The following CDC37 variants were observed in gnomAD, a reference collection of about 807,000 sequenced individuals.
CDC37 encodes hsp90 co-chaperone Cdc37.
A neutral mutation model predicts 46.9 loss-of-function variants in CDC37; 9 were observed. The observed-to-expected ratio is 0.19, with a 90% CI of 0.12 to 0.33. The LOEUF (loss-of-function observed/expected upper bound fraction) is 0.33. CDC37 is among the 10% of genes least tolerant of loss of function. The pLI, the probability that CDC37 is intolerant of heterozygous loss-of-function variation, is 1.00. For missense variants in CDC37, 388 were observed against 514.6 expected (o/e 0.75, Z 2.38); for synonymous variants, 193 against 191.0 (o/e 1.01, Z -0.09).
intron 1 of CDC37, among the ~76,000 whole-genome samples, chr19:10,401,090 C>T (rs1216469432): frequency 6.6e-6 from 1 of 152,218 alleles, no homozygotes; most frequent in African/African-American, 2.4e-5. Context: ...TGAACGACAG[C>T]AATCTCTCCT....
chr19:10,397,173 C>T (rs191566848), intron 1 of CDC37, among the ~76,000 whole-genome samples: 94 of 152,220 alleles, frequency 6.2e-4, no homozygotes, highest in Admixed American at 2.7e-3. Context: ...AATATGGGAA[C>T]GTGTTCGCCA....
At position 10,391,519 on chromosome 19, in the gene CDC37, T is replaced by C. The variant is rs1440427658; in HGVS notation, c.*32A>G. 1 of 1,613,472 alleles carries C rather than the reference T, an allele frequency of 6.2e-7. No homozygotes were observed. Among genetic ancestry groups the C allele is most frequent in the Admixed American group, 1.7e-5 (1 of 60,002 alleles). On this transcript the variant is annotated 3_prime_UTR_variant, in exon 8 of 8. Coordinates refer to ENST00000222005, the MANE Select transcript of CDC37 (RefSeq NM_007065.4). ...TTCTGAAAAGGGGCACATAGGGGCC[T>C]GGAAGCAGGTGGCGGTGGTAGCTGG... is the stretch of plus-strand genomic sequence containing the variant.
In CDC37 at chr19:10,396,731, C is replaced by T. The variant is rs575769109; in HGVS notation, c.103-528G>A. 1.9e-3 allele frequency among the ~76,000 whole-genome samples: 287 copies of T among 152,120 alleles called. 1 individual carries two copies. Among genetic ancestry groups the T allele is most frequent in the Non-Finnish European group, 2.6e-3 (175 of 67,992 alleles). ...GACTACAGGTGTGCACCAGCACGCC[C>T]AGCTAATTTTTGTATTTTCAGTAAA... On this transcript the variant is annotated intron_variant, in intron 1 of 7. Coordinates refer to ENST00000222005, the MANE Select transcript of CDC37 (RefSeq NM_007065.4). The surrounding 1 kb of genome is among the most constrained non-coding windows in gnomAD (Gnocchi z 5.9).
rs182906422 is a variant in CDC37 at position 10,399,341 on chromosome 19, C to A, written c.103-3138G>T. Among the ~76,000 whole-genome samples, 549 of 151,464 alleles carry A rather than the reference C, an allele frequency of 3.6e-3. 2 individuals are homozygous for A. Among genetic ancestry groups the A allele is most frequent in the African/African-American group, 0.013 (520 of 41,270 alleles). ...AAAATTAGCCAGGCGTGGTGGCAGG[C>A]GCCTGCAATCCCAGCTACTCCAGAG... is the stretch of plus-strand genomic sequence containing the variant. On this transcript the variant is annotated intron_variant, in intron 1 of 7. Transcript: ENST00000222005.
In CDC37 at chr19:10,391,438, G is replaced by A. The variant is rs2145414879; in HGVS notation, c.*113C>T. 3 of 1,363,420 alleles carry A rather than the reference G, an allele frequency of 2.2e-6. No individual in the cohort carries two copies. Among genetic ancestry groups the A allele is most frequent in the Middle Eastern group, 1.9e-4 (1 of 5,162 alleles). The allele number at this position is 1,363,420 out of a possible 1,614,324, so 84.5% of individuals were successfully genotyped here. On this transcript the variant is annotated 3_prime_UTR_variant, in exon 8 of 8. Coordinates refer to ENST00000222005, the MANE Select transcript of CDC37 (RefSeq NM_007065.4). The stretch of plus-strand genomic sequence containing the variant: ...AGGGCTGGGCGGGCCCCCCAGGCTG[G>A]GCCGAGCAGCGCAAGTAGAGGAAGT...
chr19:10,396,257 GCC>G lies in CDC37; in HGVS notation c.103-56_103-55del. 6.4e-7 allele frequency: 1 copy of G among 1,557,356 alleles called. No homozygotes were observed. Among genetic ancestry groups the G allele is most frequent in the South Asian group, 1.2e-5 (1 of 83,756 alleles). Reference sequence around the variant, plus strand: ...GGGGAGTCGTCTGTCCCTTACCCCCGCCCCATACCCAATCCCTGCACCGGAGA... The same window carrying G: ...GGGGAGTCGTCTGTCCCTTACCCCCGCCATACCCAATCCCTGCACCGGAGA... On this transcript the variant is annotated intron_variant, in intron 1 of 7. Coordinates refer to ENST00000222005, the MANE Select transcript of CDC37 (RefSeq NM_007065.4). The surrounding 1 kb of genome is among the most constrained non-coding windows in gnomAD (Gnocchi z 5.9).
chr19:10,398,788 A>G lies in CDC37; in HGVS notation c.103-2585T>C, dbSNP rs1335224848. 3.3e-5 allele frequency among the ~76,000 whole-genome samples: 5 copies of G among 152,212 alleles called. No homozygotes were observed. The East Asian group carries it at 9.7e-4, about 29-fold the overall frequency. ...TTCTGGCCCAGAGTACACGCTCAAT[A>G]ACTGGGAGTGGTTGTTACTACATGG... On this transcript the variant is annotated intron_variant, in intron 1 of 7. Transcript: ENST00000222005. This position sits in a 1 kb window ranked among gnomAD's most constrained non-coding sequence, Gnocchi z 4.2.
chr19:10,395,632 C>A (rs572827098), intron 2 of CDC37, 89 bp from the exon 3 acceptor site: 1 of 1,061,144 alleles, frequency 9.4e-7, no homozygotes, highest in Admixed American at 1.7e-5. Context: ...CAGCGCCCAT[C>A]CCATCCACGG....
intron 1 of CDC37, among the ~76,000 whole-genome samples, chr19:10,402,793 T>A (rs1416332454): frequency 6.6e-6 from 1 of 151,854 alleles, no homozygotes; most frequent in Non-Finnish European, 1.5e-5. Flanking sequence ...AGGAAGGGGG[T>A]CCTGGGTGTG....
At chr19:10,391,839 C>T in intron 7 of CDC37, 133 bp from the exon 8 acceptor site, 1 of 886,352 alleles carries the variant, frequency 1.1e-6, no homozygotes, top group South Asian at 1.7e-5. Context: ...GAGTCTCACT[C>T]TGTCACCCAG....
Position 10,391,651 on chromosome 19 carries a change from G to A in CDC37, c.1037C>T (p.Ser346Phe). The change falls in exon 8 of 8, where the codon TCT becomes TTT. Residue 346 changes from serine to phenylalanine, a missense_variant. Ser to Phe is a radical substitution (Grantham distance 155). Coordinates refer to ENST00000222005, the MANE Select transcript of CDC37 (RefSeq NM_007065.4). ...TCCCTCCTTGGCCTCGCTGGCCTTA[G>A]AGTTGGGGACCCAGAGGCCAGAGTC... ...CIDSGLWVPN[S>F]KASEAKEGEE... 6.2e-7 allele frequency: 1 copy of A among 1,614,166 alleles called. No individual in the cohort carries two copies. Among genetic ancestry groups the A allele is most frequent in the Non-Finnish European group, 8.5e-7 (1 of 1,179,992 alleles).
chr19:10,391,811 T>C, intron 7 of CDC37, 105 bp from the exon 8 acceptor site: 6 of 1,190,434 alleles, frequency 5.0e-6, no homozygotes, highest in Non-Finnish European at 7.1e-6. Flanking sequence ...CCTATTGATA[T>C]TTTACCTATT....
rs897216238 is a variant in CDC37 at position 10,391,449 on chromosome 19, G to C, written c.*102C>G. On this transcript the variant is annotated 3_prime_UTR_variant, in exon 8 of 8. Transcript: ENST00000222005. Reference sequence around the variant, plus strand: ...GGCCCCCCAGGCTGGGCCGAGCAGCGCAAGTAGAGGAAGTCAGGAGCGGGC... The same window carrying C: ...GGCCCCCCAGGCTGGGCCGAGCAGCCCAAGTAGAGGAAGTCAGGAGCGGGC... 6.9e-7 allele frequency: 1 copy of C among 1,443,954 alleles called. No homozygotes were observed. The allele number at this position is 1,443,954 out of a possible 1,614,324, so 89.4% of individuals were successfully genotyped here.
In CDC37 at chr19:10,393,459, T is replaced by C. The variant is rs1323066822; in HGVS notation, c.727-18A>G. The C allele has an allele frequency of 6.2e-7, 1 of 1,602,704 alleles. No homozygotes were observed. The highest frequency in any genetic ancestry group is 8.5e-7 in the Non-Finnish European group (1 of 1,174,892). On this transcript the variant is annotated intron_variant, in intron 5 of 7. Coordinates refer to ENST00000222005, the MANE Select transcript of CDC37 (RefSeq NM_007065.4). This position sits in a 1 kb window ranked among gnomAD's most constrained non-coding sequence, Gnocchi z 4.9. ...TCGGCTGTCTATGGGGGTTGGGCAG[T>C]GCTCACTGGACCTGGCCCAACGCTC...
In CDC37 at chr19:10,395,846, C is replaced by T. The variant is rs1019704761; in HGVS notation, c.378+82G>A. The T allele has an allele frequency of 4.8e-6, 7 of 1,471,460 alleles. No homozygotes were observed. In the Admixed American group the frequency reaches 1.3e-4, roughly 26 times the overall value. The allele number at this position is 1,471,460 out of a possible 1,614,324, so 91.2% of individuals were successfully genotyped here. On this transcript the variant is annotated intron_variant, in intron 2 of 7. Transcript: ENST00000222005. ...CTACACCACCGGGGTCCTCCCCTGA[C>T]CAGGCATTGGGTGCGCATGCGTCCT... is the stretch of plus-strand genomic sequence containing the variant.
In CDC37 at chr19:10,398,695, C is replaced by G. The variant is rs1419832838; in HGVS notation, c.103-2492G>C. Among the ~76,000 whole-genome samples, 1 of 151,698 alleles carries G rather than the reference C, an allele frequency of 6.6e-6. No individual in the cohort carries two copies. The highest frequency in any genetic ancestry group is 1.5e-5 in the Non-Finnish European group (1 of 67,836). ...ATTACCATCTGTGCAAGAGAACAAT[C>G]TCTCTCTCTCTCTGGGGACCACTCT... is the stretch of plus-strand genomic sequence containing the variant. On this transcript the variant is annotated intron_variant, in intron 1 of 7. Transcript: ENST00000222005. The surrounding 1 kb of genome is among the most constrained non-coding windows in gnomAD (Gnocchi z 4.2).
chr19:10,397,715 T>C (rs933103925), intron 1 of CDC37, among the ~76,000 whole-genome samples: 1 of 152,024 alleles, frequency 6.6e-6, no homozygotes, highest in African/African-American at 2.4e-5. Context: ...CCCTTCTAGA[T>C]GTTTCTTTGT....
chr19:10,399,931 TAAA>T (rs56162717), intron 1 of CDC37, among the ~76,000 whole-genome samples: 39 of 48,314 alleles, frequency 8.1e-4, no homozygotes, highest in African/African-American at 1.4e-3. Context: ...GACTCCGTCT[TAAA>T]AAAAAAAAAA....
Position 10,393,107 on chromosome 19 carries a change from G to A in CDC37, c.960C>T (p.Ala320=), listed in dbSNP as rs763402340. 1 of 1,614,030 alleles carries A rather than the reference G, an allele frequency of 6.2e-7. No homozygotes were observed. The highest frequency in any genetic ancestry group is 8.5e-7 in the Non-Finnish European group (1 of 1,179,966). The change falls in exon 7 of 8, where the codon GCC becomes GCT. Residue 320 remains alanine, a synonymous_variant. Coordinates refer to ENST00000222005, the MANE Select transcript of CDC37 (RefSeq NM_007065.4). This position sits in a 1 kb window ranked among gnomAD's most constrained non-coding sequence, Gnocchi z 4.9. The part of the protein sequence containing the change: ...DVKDVQMLQD[A]ISKMDPTDAK... ...TCACGGTGGGGTCCATCTTGCTGAT[G>A]GCGTCCTGCAGCATCTGCACGTCCT...
Sources: gnomAD v4.1 joint callset for allele counts (sites outside exome capture counted in the v4.1 genomes callset) on GRCh38, gnomAD v4.1.1 for gene constraint, Gnocchi (gnomAD v3.1) non-coding constraint, MANE v1.5 for transcripts, NCBI Gene and HGNC (gene_info 2026-07-23, HGNC 2026-07-21) for gene names.